TAF9: variants seen among roughly 807,000 people sequenced by gnomAD.
TAF9 encodes transcription initiation factor TFIID subunit 9.
A neutral mutation model predicts 16.5 loss-of-function variants in TAF9; 10 were observed. The ratio of observed to expected loss-of-function variants is 0.61; its 90% CI spans 0.37 to 1.03. TAF9 has a LOEUF of 1.03. Among genes scored for constraint, TAF9 ranks in the 50% least tolerant of loss-of-function variants. TAF9 has a pLI of 0.01. For synonymous variants in TAF9, 105 were observed against 120.5 expected (o/e 0.87, Z 0.84); for missense variants, 288 against 319.1 (o/e 0.90, Z 0.74).
In TAF9 at chr5:69,365,398, T is replaced by C; in HGVS notation, c.340A>G (p.Arg114Gly). 1 of 1,614,242 alleles carries C rather than the reference T, an allele frequency of 6.2e-7. No homozygotes were observed. The highest frequency in any genetic ancestry group is 8.5e-7 in the Non-Finnish European group (1 of 1,180,038). Residue 114 changes from arginine (R) to glycine (G), a missense_variant, in exon 3 of 3, where the codon AGG (arginine) becomes GGG (glycine). Transcript: ENST00000217893. ...AAGCAGTATCTATCAGGTGGCAACC[T>C]AGGACCTGAATATGGCTTGATCAAT... The part of the protein sequence containing the change: ...LPLIKPYSGP[R>G]LPPDRYCLTA...
chr5:69,365,837 A>G (rs1762398287), intron 2 of TAF9, 83 bp from the exon 3 acceptor site: 6 of 1,062,424 alleles, frequency 5.6e-6, no homozygotes, highest in Non-Finnish European at 7.7e-6. Flanking sequence ...ACTTAAAAAA[A>G]TTTTAAATCT....
chr5:69,369,561 G>A, upstream of TAF9: 1 of 1,607,992 alleles, frequency 6.2e-7, no homozygotes. Context: ...GCCGGAAGGG[G>A]CGGGCGGCAG....
At position 69,365,346 on chromosome 5, in the gene TAF9, G is replaced by T; in HGVS notation, c.392C>A (p.Ser131Tyr). The change falls in exon 3 of 3, where the codon TCT (serine) becomes TAT (tyrosine). Residue 131 changes from serine (S) to tyrosine (Y), a missense_variant. Coordinates refer to ENST00000217893, the MANE Select transcript of TAF9 (RefSeq NM_003187.5). ...AGAAGTTGATGCCTTTTTCTGTAAA[G>T]ATTTCAGCCTATAGTTTGGAGCTGT... Reference protein sequence around the residue: ...CLTAPNYRLKSLQKKASTSAG... With the variant: ...CLTAPNYRLKYLQKKASTSAG... 1.9e-6 allele frequency: 3 copies of T among 1,614,236 alleles called. No individual in the cohort carries two copies. The highest frequency in any genetic ancestry group is 1.7e-6 in the Non-Finnish European group (2 of 1,180,034).
At chr5:69,369,107 A>C in intron 1 of TAF9, 2 of 372,816 alleles carry the variant, frequency 5.4e-6, no homozygotes, top group Non-Finnish European at 9.6e-6. Flanking sequence ...TTATTTCGCT[A>C]AAAATCCCAA....
At chr5:69,367,524 T>G (rs932060320) in intron 1 of TAF9, among the ~76,000 whole-genome samples, 190 of 131,282 alleles carry the variant, frequency 1.4e-3, no homozygotes, top group African/African-American at 4.6e-3. Context: ...AAAAAAAAAA[T>G]TAGCCACCTC....
At chr5:69,366,724 G>T in intron 1 of TAF9, 129 bp from the exon 2 acceptor site, 1 of 679,152 alleles carries the variant, frequency 1.5e-6, no homozygotes, top group Non-Finnish European at 2.5e-6. Flanking sequence ...AGTTCTTGAC[G>T]ACTGAAATGA....
chr5:69,369,771 C>T, upstream of TAF9: 3 of 1,459,522 alleles, frequency 2.1e-6, no homozygotes, highest in South Asian at 1.2e-5. Flanking sequence ...TTCGGTGGTC[C>T]CCGCCCTTCG....
intron 1 of TAF9, chr5:69,367,936 G>A (rs1762546748): frequency 6.6e-6 from 1 of 152,162 alleles, no homozygotes; most frequent in African/African-American, 2.4e-5. Flanking sequence ...AGGAGAAGGC[G>A]GGAGGATCGC....
Position 69,365,632 on chromosome 5 carries a change from TAAC to T in TAF9, c.103_105del (p.Val35del), listed in dbSNP as rs1762388770. 1 of 1,614,006 alleles carries T rather than the reference TAAC, an allele frequency of 6.2e-7. No homozygotes were observed. The highest frequency in any genetic ancestry group is 8.5e-7 in the Non-Finnish European group (1 of 1,179,996). ...AAGGCAAACTCCAACATCTGATTTA[TAAC>T]TCTTGGCTCATATTCTGTAATCCCC... On this transcript the variant is annotated inframe_deletion, in exon 3 of 3. Coordinates refer to ENST00000217893, the MANE Select transcript of TAF9 (RefSeq NM_003187.5).
chr5:69,369,286 C>T (rs1393508989), intron 1 of TAF9, 177 bp downstream of exon 1: 1 of 528,420 alleles, frequency 1.9e-6, no homozygotes, highest in Non-Finnish European at 3.1e-6. Flanking sequence ...GCGTCCCCTC[C>T]CTCGCCTCCC....
intron 1 of TAF9, chr5:69,367,698 A>G (rs1374378773): frequency 6.6e-6 from 1 of 152,104 alleles, no homozygotes; most frequent in Non-Finnish European, 1.5e-5. Context: ...GACCACAGGT[A>G]TGCACCACCA....
chr5:69,368,324 C>T (rs1219276952), intron 1 of TAF9, among the ~76,000 whole-genome samples: 1 of 152,082 alleles, frequency 6.6e-6, no homozygotes, highest in Non-Finnish European at 1.5e-5. Flanking sequence ...TTTAACATCC[C>T]TGAAATTAAA....
rs1466757580 is a variant in TAF9, at chr5:69,365,306, T to C, written c.432A>G (p.Thr144=). 1 of 1,614,228 alleles carries C rather than the reference T, an allele frequency of 6.2e-7. No homozygotes were observed. Among genetic ancestry groups the C allele is most frequent in the Non-Finnish European group, 8.5e-7 (1 of 1,180,026 alleles). ...KKASTSAGRI[T]VPRLSVGSVT... Reference sequence around the variant, plus strand: ...CTGAACCAACACTTAACCGCGGGACTGTTATTCTTCCCGCAGAAGTTGATG... The same window carrying C: ...CTGAACCAACACTTAACCGCGGGACCGTTATTCTTCCCGCAGAAGTTGATG... Residue 144 remains threonine (T), a synonymous_variant, in exon 3 of 3, where the codon ACA becomes ACG. Coordinates refer to ENST00000217893, the MANE Select transcript of TAF9 (RefSeq NM_003187.5).
At chr5:69,369,589 A>G (rs1386656037), upstream of TAF9, 1 of 1,597,994 alleles carries the variant, frequency 6.3e-7, no homozygotes, top group African/African-American at 1.3e-5. Context: ...CCACGGCCCC[A>G]AAGGCCCCGA....
At chr5:69,367,952 C>A (rs1442373718) in intron 1 of TAF9, 1 of 152,138 alleles carries the variant, frequency 6.6e-6, no homozygotes, top group Admixed American at 6.5e-5. Flanking sequence ...ATCGCTTAAG[C>A]GCAGGAGTTC....
intron 2 of TAF9, among the ~76,000 whole-genome samples, chr5:69,366,099 CAT>C (rs1281885678): frequency 2.6e-5 from 4 of 152,196 alleles, no homozygotes; most frequent in African/African-American, 9.6e-5. Context: ...GATACCATAG[CAT>C]AGTCAGGTCC....
chr5:69,365,122 T>C lies in TAF9; in HGVS notation c.616A>G (p.Thr206Ala). 6.2e-7 allele frequency: 1 copy of C among 1,614,210 alleles called. No individual in the cohort carries two copies. Among genetic ancestry groups the C allele is most frequent in the South Asian group, 1.1e-5 (1 of 91,086 alleles). Residue 206 changes from threonine (T) to alanine (A), a missense_variant, in exon 3 of 3, where the codon ACC (threonine) becomes GCC (alanine). By Grantham distance (58) the Thr-to-Ala change is moderately conservative (BLOSUM62 0). Transcript: ENST00000217893. ...ATCAGAACATTCTGAACTGCTGAGGTTGCAGGAATTGAAGCTTTTACAGCT... is the reference window on the plus strand; with the variant it reads ...ATCAGAACATTCTGAACTGCTGAGGCTGCAGGAATTGAAGCTTTTACAGCT... ...SPAVKASIPATSAVQNVLINP... is the reference protein window; with the variant it reads ...SPAVKASIPAASAVQNVLINP...
At chr5:69,369,381 C>T in intron 1 of TAF9, 82 bp downstream of exon 1, 2 of 1,522,054 alleles carry the variant, frequency 1.3e-6, no homozygotes, top group East Asian at 2.4e-5. Flanking sequence ...AGTGAGGGGC[C>T]CCCACCTGGG....
chr5:69,365,148 G>C lies in TAF9; in HGVS notation c.590C>G (p.Pro197Arg). The C allele has an allele frequency of 6.2e-7, 1 of 1,614,212 alleles. No individual in the cohort carries two copies. The change falls in exon 3 of 3, where the codon CCA becomes CGA. Residue 197 changes from proline (P) to arginine (R), a missense_variant. By Grantham distance (103) the Pro-to-Arg change is moderately radical. Coordinates refer to ENST00000217893, the MANE Select transcript of TAF9 (RefSeq NM_003187.5). ...FTVQMPTSQS[P>R]AVKASIPATS... The stretch of plus-strand genomic sequence containing the variant: ...TGCAGGAATTGAAGCTTTTACAGCT[G>C]GAGACTGAGAAGTAGGCATCTGTAC...
Sources: gnomAD v4.1 joint callset for allele counts (sites outside exome capture counted in the v4.1 genomes callset) on GRCh38, gnomAD v4.1.1 for gene constraint, MANE v1.5 for transcripts, NCBI Gene and HGNC (gene_info 2026-07-23, HGNC 2026-07-21) for gene names.